Variants in NEK9 observed in about 807,000 individuals in gnomAD.
NEK9 encodes the protein NIMA related kinase 9.
In NEK9, 75 loss-of-function variants were observed where a neutral mutation model predicts 123.4. The ratio of observed to expected loss-of-function variants is 0.61; its 90% CI spans 0.50 to 0.74. The LOEUF is 0.74. Among genes scored for constraint, NEK9 ranks in the 30% least tolerant of loss-of-function variants. The pLI, the probability that NEK9 is intolerant of heterozygous loss-of-function variation, is 0.00. For missense variants in NEK9, 952 were observed against 1,214.4 expected, an observed-to-expected ratio of 0.78 and a Z score of 3.21; for synonymous variants, 438 against 458.7, an observed-to-expected ratio of 0.95 and a Z score of 0.58.
At chr14:75,109,989 T>G (rs1340864180) in intron 9 of NEK9, 112 bp from the exon 10 acceptor site, 1 of 1,092,660 alleles carries the variant, frequency 9.2e-7, no homozygotes, top group African/African-American at 1.6e-5. Context: ...TGAGAAAGTA[T>G]GTTCTTTCTC....
chr14:75,103,726 A>G (rs913989941), intron 14 of NEK9, 116 bp downstream of exon 14: 52 of 1,137,802 alleles, frequency 4.6e-5, no homozygotes, highest in Non-Finnish European at 6.0e-5. Flanking sequence ...CACAATGCCT[A>G]TGAGACCATA....
chr14:75,088,616 G>A lies in NEK9; in HGVS notation c.2468C>T (p.Pro823Leu). The A allele has an allele frequency of 6.2e-7, 1 of 1,613,854 alleles. No homozygotes were observed. Among genetic ancestry groups the A allele is most frequent in the Non-Finnish European group, 8.5e-7 (1 of 1,179,920 alleles). Residue 823 changes from proline to leucine, a missense_variant, in exon 20 of 22, where the codon CCC (proline) becomes CTC (leucine). Coordinates refer to ENST00000238616, the MANE Select transcript of NEK9 (RefSeq NM_033116.6). ...RKELENAEFI[P>L]MPDSPSPLSA... Reference sequence around the variant, plus strand: ...GAGAGGAGATGGGCTGTCAGGCATGGGGATAAATTCTGCATTTTCCAGCTC... The same window carrying A: ...GAGAGGAGATGGGCTGTCAGGCATGAGGATAAATTCTGCATTTTCCAGCTC...
At chr14:75,113,258 T>A (rs1895015572) in intron 8 of NEK9, 81 bp downstream of exon 8, 4 of 1,068,420 alleles carry the variant, frequency 3.7e-6, no homozygotes, top group African/African-American at 1.6e-5. Context: ...GAAACACTAC[T>A]CTTTCTTTTA....
At position 75,101,245 on chromosome 14, in the gene NEK9, G is replaced by A. The variant is rs546388155; in HGVS notation, c.1841-92C>T. The stretch of plus-strand genomic sequence containing the variant: ...AAGCAGACTTCATGGATTAGCTTCC[G>A]GTTGTTAGAATATACAAATATAAAA... On this transcript the variant is annotated intron_variant, in intron 15 of 21. Coordinates refer to ENST00000238616, the MANE Select transcript of NEK9 (RefSeq NM_033116.6). The A allele has an allele frequency of 1.2e-4, 155 of 1,330,298 alleles. 1 individual carries two copies. Among genetic ancestry groups the A allele is most frequent in the East Asian group, 4.2e-4 (17 of 40,014 alleles). 82.4% of individuals were successfully genotyped at this position (1,330,298 alleles called of 1,614,324 possible).
chr14:75,115,610 T>C (rs1190889994), intron 6 of NEK9, among the ~76,000 whole-genome samples: 2 of 152,240 alleles, frequency 1.3e-5, no homozygotes, highest in Admixed American at 6.5e-5. Context: ...TACCATGTTA[T>C]AGATAATGAA....
intron 19 of NEK9, among the ~76,000 whole-genome samples, chr14:75,088,874 T>C (rs987264356): frequency 2.0e-5 from 3 of 152,088 alleles, no homozygotes; most frequent in Non-Finnish European, 4.4e-5. Context: ...GTTTCTGGTG[T>C]GTCACTCCAA....
At chr14:75,107,014 G>A (rs2139768099) in intron 11 of NEK9, among the ~76,000 whole-genome samples, 1 of 152,146 alleles carries the variant, frequency 6.6e-6, no homozygotes. Flanking sequence ...ACTAAGTAAT[G>A]ACAAGACCAA....
At chr14:75,104,760 G>A (rs947100857) in intron 13 of NEK9, among the ~76,000 whole-genome samples, 3 of 152,236 alleles carry the variant, frequency 2.0e-5, no homozygotes, top group Non-Finnish European at 4.4e-5. Flanking sequence ...TGGGATTACA[G>A]GCGTGAGCCA....
chr14:75,126,433 G>A (rs888964200), intron 1 of NEK9, among the ~76,000 whole-genome samples: 1 of 152,106 alleles, frequency 6.6e-6, no homozygotes, highest in African/African-American at 2.4e-5. Flanking sequence ...TGATTTCAAG[G>A]TATTATCAGT....
At chr14:75,100,944 AAC>A (rs763821631) in intron 16 of NEK9, 46 bp downstream of exon 16, 3 of 1,569,132 alleles carry the variant, frequency 1.9e-6, no homozygotes, top group Non-Finnish European at 2.6e-6. Flanking sequence ...CAAGAACTGA[AAC>A]ACAGCCATGT....
intron 12 of NEK9, 137 bp downstream of exon 12, chr14:75,106,359 GAGAAAA>G: frequency 1.7e-6 from 1 of 576,788 alleles, no homozygotes; most frequent in Non-Finnish European, 2.6e-6. Flanking sequence ...ACTCTGTCTC[GAGAAAA>G]AAAAAAAAAA....
chr14:75,108,274 G>A (rs148685672), intron 10 of NEK9, among the ~76,000 whole-genome samples: 4,602 of 151,908 alleles, frequency 0.03, 99 homozygotes, highest in Non-Finnish European at 0.051. Flanking sequence ...ACAGGTGCCC[G>A]CCACCACGCC....
In NEK9 at chr14:75,103,942, G is replaced by A; in HGVS notation, c.1631C>T (p.Thr544Ile). 1 of 1,614,082 alleles carries A rather than the reference G, an allele frequency of 6.2e-7. No homozygotes were observed. Among genetic ancestry groups the A allele is most frequent in the Non-Finnish European group, 8.5e-7 (1 of 1,180,004 alleles). Residue 544 changes from threonine (T) to isoleucine (I), a missense_variant, in exon 14 of 22, where the codon ACA becomes ATA. Thr to Ile is a moderately conservative substitution (Grantham distance 89, BLOSUM62 -1). Coordinates refer to ENST00000238616, the MANE Select transcript of NEK9 (RefSeq NM_033116.6). ...IVAVQCGCDG[T>I]FLLTQSGKVL... is the part of the protein sequence containing the mutation. ...TTTGCCTGACTGGGTCAACAGAAAT[G>A]TCCCATCACAGCCACATTGAACTGC...
intron 9 of NEK9, 99 bp downstream of exon 9, chr14:75,110,222 G>T (rs375430627): frequency 2.2e-6 from 2 of 891,040 alleles, no homozygotes. Flanking sequence ...CTGAAAGGAT[G>T]CCAAAGTATC....
At chr14:75,096,321 G>C (rs1258032995) in intron 17 of NEK9, among the ~76,000 whole-genome samples, 1 of 145,100 alleles carries the variant, frequency 6.9e-6, no homozygotes, top group African/African-American at 2.5e-5. Context: ...GGATTCTAAT[G>C]TATGTGCTGC....
At chr14:75,118,401 CTG>C (rs1895211130) in intron 5 of NEK9, among the ~76,000 whole-genome samples, 1 of 152,136 alleles carries the variant, frequency 6.6e-6, no homozygotes, top group African/African-American at 2.4e-5. Context: ...GCAGTTCAGA[CTG>C]TGTATAATAT....
Position 75,126,770 on chromosome 14 carries a change from T to C in NEK9, c.152A>G (p.His51Arg). ...GCCCAGGACGCGGATGGGGATGTAG[T>C]GCAGTTCCTCCTGCTCCGCCGCGCC... is the stretch of plus-strand genomic sequence containing the variant. ...GGGAAEQEEL[H>R]YIPIRVLGRG... The change falls in exon 1 of 22, where the codon CAC becomes CGC. Residue 51 changes from histidine to arginine, a missense_variant. Around this residue, in one of 4 missense-constraint regions of NEK9, gnomAD observed 120 missense variants for 97.6 expected, o/e 1.23. Transcript: ENST00000238616. The C allele has an allele frequency of 6.5e-7, 1 of 1,530,882 alleles. No individual in the cohort carries two copies. Among genetic ancestry groups the C allele is most frequent in the Non-Finnish European group, 8.8e-7 (1 of 1,139,926 alleles). The allele number at this position is 1,530,882 out of a possible 1,614,324, so 94.8% of individuals were successfully genotyped here.
chr14:75,112,897 C>T (rs1468082906), intron 8 of NEK9, among the ~76,000 whole-genome samples: 2 of 152,198 alleles, frequency 1.3e-5, no homozygotes, highest in African/African-American at 4.8e-5. Flanking sequence ...CTATGCCAGG[C>T]CCTGGGCTGA....
chr14:75,112,209 G>C (rs1456937029), intron 8 of NEK9, among the ~76,000 whole-genome samples: 1 of 152,202 alleles, frequency 6.6e-6, no homozygotes, highest in Non-Finnish European at 1.5e-5. Flanking sequence ...CTTGAAAAGA[G>C]CATTGTATGT....
Sources: gnomAD v4.1 joint callset for allele counts (sites outside exome capture counted in the v4.1 genomes callset) on GRCh38, gnomAD v4.1.1 for gene constraint, gnomAD v4.1.1 regional missense constraint, MANE v1.5 for transcripts, NCBI Gene and HGNC (gene_info 2026-07-23, HGNC 2026-07-21) for gene names.